Variants in LRIF1 observed in about 807,000 individuals in gnomAD.
LRIF1 encodes the protein ligand-dependent nuclear receptor-interacting factor 1.
In LRIF1, 32 loss-of-function variants were observed where a neutral mutation model predicts 52.7. That is an observed-to-expected ratio of 0.61 (90% CI 0.46 to 0.82). The LOEUF (loss-of-function observed/expected upper bound fraction) is 0.82, where lower values mean the gene tolerates loss of function less well. Among genes scored for constraint, LRIF1 ranks in the 40% least tolerant of loss-of-function variants. The pLI is 0.00. For missense variants in LRIF1, 887 were observed against 892.0 expected, an observed-to-expected ratio of 0.99 and a Z score of 0.07; for synonymous variants, 323 against 317.4, an observed-to-expected ratio of 1.02 and a Z score of -0.19.
At chr1:110,949,285 A>AT (rs1011559574) in intron 3 of LRIF1, among the ~76,000 whole-genome samples, 30 of 151,516 alleles carry the variant, frequency 2.0e-4, no homozygotes, top group African/African-American at 7.3e-4. Flanking sequence ...CACCCAGCTA[A>AT]TTTTTTGTAT....
At chr1:110,888,427 A>G in the LRIF1 span, among the ~76,000 whole-genome samples, 1 of 152,166 alleles carries the variant, frequency 6.6e-6, no homozygotes, top group Non-Finnish European at 1.5e-5. Flanking sequence ...CTGTGAATAT[A>G]AGCTGAGGCA....
the LRIF1 span, among the ~76,000 whole-genome samples, chr1:110,916,409 G>T: frequency 6.6e-6 from 1 of 152,206 alleles, no homozygotes; most frequent in Non-Finnish European, 1.5e-5. Flanking sequence ...TTAAATATGT[G>T]TGGTTACATG....
At chr1:110,903,356 A>G in the LRIF1 span, among the ~76,000 whole-genome samples, 20 of 152,286 alleles carry the variant, frequency 1.3e-4, no homozygotes, top group African/African-American at 3.8e-4. Context: ...CACAGCTTCG[A>G]AAGAGACACC....
chr1:110,960,044 T>C (rs944157906), intron 1 of LRIF1, among the ~76,000 whole-genome samples: 3 of 152,184 alleles, frequency 2.0e-5, no homozygotes, highest in African/African-American at 7.2e-5. Flanking sequence ...ATGTACCATG[T>C]ATTGCGTACA....
downstream of LRIF1, chr1:110,942,392 A>T (rs1473258789): frequency 6.6e-6 from 1 of 151,636 alleles, no homozygotes; most frequent in Non-Finnish European, 1.5e-5. Context: ...TTTAGGGTGA[A>T]TTTTCTCTGT....
the LRIF1 span, chr1:110,899,322 G>T: frequency 1.5e-6 from 1 of 647,894 alleles, no homozygotes. Flanking sequence ...TTAGGTCCCT[G>T]TCTTATACAA....
At chr1:110,926,652 A>G in the LRIF1 span, among the ~76,000 whole-genome samples, 1 of 152,114 alleles carries the variant, frequency 6.6e-6, no homozygotes, top group Non-Finnish European at 1.5e-5. Context: ...GAAATGTACC[A>G]TGCTTAGAGA....
chr1:110,904,223 C>T, the LRIF1 span, among the ~76,000 whole-genome samples: 2 of 152,188 alleles, frequency 1.3e-5, no homozygotes, highest in South Asian at 2.1e-4. Context: ...AAGAGAAGGA[C>T]GCAGGCCTGG....
the LRIF1 span, chr1:110,899,401 G>T: frequency 4.0e-6 from 2 of 494,838 alleles, no homozygotes; most frequent in Non-Finnish European, 7.3e-6. Context: ...CTCACTGACG[G>T]CAGCAGCCAT....
the LRIF1 span, among the ~76,000 whole-genome samples, chr1:110,881,559 CTA>C: frequency 6.6e-6 from 1 of 152,184 alleles, no homozygotes; most frequent in South Asian, 2.1e-4. Flanking sequence ...TACTACAAAA[CTA>C]TGAACCTTCC....
intron 1 of LRIF1, among the ~76,000 whole-genome samples, chr1:110,961,325 T>C (rs558392267): frequency 2.6e-5 from 4 of 152,364 alleles, no homozygotes; most frequent in Middle Eastern, 3.4e-3. Flanking sequence ...ACTAAATGAA[T>C]GTTTTTTCAT....
chr1:110,952,776 G>C lies in LRIF1; in HGVS notation c.108C>G (p.Gly36=), dbSNP rs772667331. The C allele has an allele frequency of 6.2e-7, 1 of 1,612,152 alleles. No individual in the cohort carries two copies. Among genetic ancestry groups the C allele is most frequent in the Admixed American group, 1.7e-5 (1 of 59,918 alleles). Residue 36 remains glycine (G), a synonymous_variant, in exon 2 of 4, where the codon GGC becomes GGG. Transcript: ENST00000369763. ...ATTGCAGAAGATTTTTTCCATCCGA[G>C]CCAATCGTCTGAACTACTTGGTACA... ...GCMYQVVQTI[G]SDGKNLLQLL...
chr1:110,963,046 C>G (rs139909151), intron 1 of LRIF1, among the ~76,000 whole-genome samples: 1 of 152,196 alleles, frequency 6.6e-6, no homozygotes, highest in East Asian at 1.9e-4. Context: ...TCATTACACC[C>G]TACTTCAAAA....
the LRIF1 span, among the ~76,000 whole-genome samples, chr1:110,921,303 GA>G: frequency 1.3e-5 from 2 of 151,134 alleles, no homozygotes; most frequent in African/African-American, 2.4e-5. Flanking sequence ...TAAACTAATA[GA>G]AAAAAAATGA....
At chr1:110,953,360 C>T (rs1026377693) in intron 1 of LRIF1, among the ~76,000 whole-genome samples, 1 of 152,202 alleles carries the variant, frequency 6.6e-6, no homozygotes, top group East Asian at 1.9e-4. Flanking sequence ...ATAGATTTCA[C>T]TGAACTGTTT....
chr1:110,951,695 G>A lies in LRIF1; in HGVS notation c.1189C>T (p.Gln397Ter). ...GTGACTGGACTTGAACTCACTGTCT[G>A]TAACGTGTCTTTTCTTACTGGAGTA... Reference protein sequence around the residue: ...PDTPVRKDTLQTVSSSPVTEI... With the variant: ...PDTPVRKDTL Residue 397 changes from glutamine (Q) to a stop codon, truncating the protein, a stop_gained, in exon 2 of 4, where the codon CAG (glutamine) becomes TAG (stop). Coordinates refer to ENST00000369763, the MANE Select transcript of LRIF1 (RefSeq NM_018372.4). LOFTEE classifies it high-confidence loss of function. 1 of 1,614,028 alleles carries A rather than the reference G, an allele frequency of 6.2e-7. No individual in the cohort carries two copies. Among genetic ancestry groups the A allele is most frequent in the Non-Finnish European group, 8.5e-7 (1 of 1,180,030 alleles).
the LRIF1 span, among the ~76,000 whole-genome samples, chr1:110,911,482 G>A: frequency 6.6e-6 from 1 of 152,072 alleles, no homozygotes; most frequent in East Asian, 1.9e-4. Flanking sequence ...AGGAGGAGGG[G>A]CTTTTTCCTA....
chr1:110,951,346 G>C lies in LRIF1; in HGVS notation c.1538C>G (p.Ser513Cys), dbSNP rs1228429399. The change falls in exon 2 of 4, where the codon TCT becomes TGT. Residue 513 changes from serine to cysteine, a missense_variant. Transcript: ENST00000369763. ...TGAAGTAACAGTTGTTGCATCAACA[G>C]AGGAACTTATTTTCTCTATGCTCTG... ...VLQSIEKISS[S>C]VDATTVTSQQ... 3 of 1,614,002 alleles carry C rather than the reference G, an allele frequency of 1.9e-6. No individual in the cohort carries two copies. Among genetic ancestry groups the C allele is most frequent in the Non-Finnish European group, 2.5e-6 (3 of 1,180,008 alleles).
At chr1:110,914,138 C>G in the LRIF1 span, among the ~76,000 whole-genome samples, 1 of 151,892 alleles carries the variant, frequency 6.6e-6, no homozygotes, top group Non-Finnish European at 1.5e-5. Context: ...CAACAGACAC[C>G]GTGGTTACTT....
Sources: allele counts gnomAD v4.1 joint callset (sites outside exome capture counted in the v4.1 genomes callset), GRCh38; gene constraint gnomAD v4.1.1; transcripts MANE v1.5; gene names NCBI Gene and HGNC (gene_info 2026-07-23, HGNC 2026-07-21).